Variants in SPIDR observed in about 807,000 individuals in gnomAD.
SPIDR encodes the protein scaffold protein involved in DNA repair, also known as DNA repair-scaffolding protein.
SPIDR carries 93 observed loss-of-function variants against 104.6 expected under a neutral mutation model. The ratio of observed to expected loss-of-function variants is 0.89; its 90% CI spans 0.75 to 1.06. The LOEUF (loss-of-function observed/expected upper bound fraction) is 1.06, where lower values mean the gene tolerates loss of function less well. Ranked by LOEUF, SPIDR falls within the 50% of genes least tolerant of loss-of-function variation. SPIDR has a pLI of 0.00. For missense variants in SPIDR, 1,154 were observed against 1,111.2 expected, an observed-to-expected ratio of 1.04 and a Z score of -0.55; for synonymous variants, 431 against 416.9, an observed-to-expected ratio of 1.03 and a Z score of -0.41.
At chr8:47,671,617 T>TAAATAAATAAATAAATAAAG in intron 10 of SPIDR, among the ~76,000 whole-genome samples, 1 of 151,620 alleles carries the variant, frequency 6.6e-6, no homozygotes, top group South Asian at 2.1e-4. Flanking sequence ...AATAAATAAA[T>TAAATAAATAAATAAATAAAG]AAATACAAAT....
chr8:47,315,428 TG>T (rs2045146114), intron 5 of SPIDR, among the ~76,000 whole-genome samples: 2 of 152,156 alleles, frequency 1.3e-5, no homozygotes, highest in Admixed American at 1.3e-4. Flanking sequence ...AGGAAAAATC[TG>T]AATATTTGGA....
chr8:47,432,388 A>G (rs1375488588), intron 7 of SPIDR, among the ~76,000 whole-genome samples: 1 of 152,142 alleles, frequency 6.6e-6, no homozygotes, highest in Non-Finnish European at 1.5e-5. Flanking sequence ...TGCAGTTGAG[A>G]TGAAGGGGAG....
At chr8:47,690,556 C>T (rs58864481) in intron 11 of SPIDR, among the ~76,000 whole-genome samples, 5,199 of 152,004 alleles carry the variant, frequency 0.034, 262 homozygotes, top group African/African-American at 0.11. Context: ...CGGTGGCTCA[C>T]GCCTGGAATC....
chr8:47,727,241 C>T lies in SPIDR; in HGVS notation c.2383C>T (p.Pro795Ser), dbSNP rs1427525862. Reference sequence around the variant, plus strand: ...GGACGAGAGCACTGCTTTCTCATGGCCTGTGTGTGACATGTGTGGCAACGG... The same window carrying T: ...GGACGAGAGCACTGCTTTCTCATGGTCTGTGTGTGACATGTGTGGCAACGG... Reference protein sequence around the residue: ...GVDESTAFSWPVCDMCGNGRL... With the variant: ...GVDESTAFSWSVCDMCGNGRL... The change falls in exon 17 of 20, where the codon CCT becomes TCT. Residue 795 changes from proline to serine, a missense_variant. Transcript: ENST00000297423. 1.9e-6 allele frequency: 3 copies of T among 1,614,092 alleles called. No homozygotes were observed. Among genetic ancestry groups the T allele is most frequent in the South Asian group, 1.1e-5 (1 of 91,082 alleles).
chr8:47,325,646 T>C (rs1199269435), intron 5 of SPIDR, among the ~76,000 whole-genome samples: 1 of 152,242 alleles, frequency 6.6e-6, no homozygotes, highest in Admixed American at 6.5e-5. Flanking sequence ...AGACATCTTA[T>C]GGTGCTCCAG....
intron 8 of SPIDR, chr8:47,547,358 C>A: frequency 4.6e-6 from 2 of 432,288 alleles, no homozygotes; most frequent in South Asian, 4.4e-5. Flanking sequence ...TGGGTTATAT[C>A]AGTTCGAACG....
At chr8:47,729,543 C>T in intron 19 of SPIDR, 78 bp downstream of exon 19, 1 of 1,501,468 alleles carries the variant, frequency 6.7e-7, no homozygotes, top group Non-Finnish European at 9.0e-7. Flanking sequence ...AGGAAGCCCC[C>T]ACTCCCAAAT....
chr8:47,464,378 G>C (rs1254184785), intron 8 of SPIDR, among the ~76,000 whole-genome samples: 8 of 152,196 alleles, frequency 5.3e-5, no homozygotes, highest in Non-Finnish European at 1.2e-4. Flanking sequence ...GCTAGATGCA[G>C]TTAAGGTGGA....
intron 5 of SPIDR, among the ~76,000 whole-genome samples, chr8:47,375,056 C>T (rs2058487481): frequency 6.6e-6 from 1 of 151,828 alleles, no homozygotes; most frequent in African/African-American, 2.4e-5. Context: ...CTTGGTCCAC[C>T]TCTTCCCCCA....
At chr8:47,457,893 C>G (rs2073259635) in intron 8 of SPIDR, among the ~76,000 whole-genome samples, 1 of 152,124 alleles carries the variant, frequency 6.6e-6, no homozygotes, top group Non-Finnish European at 1.5e-5. Flanking sequence ...TGTCAAAGAT[C>G]AGTGGCTGTA....
At position 47,277,632 on chromosome 8, in the gene SPIDR, A is replaced by G. The variant is rs1002763339; in HGVS notation, c.34-2230A>G. Among the ~76,000 whole-genome samples, 25 of 148,008 alleles carry G rather than the reference A, an allele frequency of 1.7e-4. No individual in the cohort carries two copies. The East Asian group carries it at 4.8e-3, about 28-fold the overall frequency. ...TGGTCTCCTAAAGTGCTGGGATTAC[A>G]GGTGTGACCCATTGTGCCCTACCCT... On this transcript the variant is annotated intron_variant, in intron 1 of 19. Coordinates refer to ENST00000297423, the MANE Select transcript of SPIDR (RefSeq NM_001080394.4).
intron 10 of SPIDR, among the ~76,000 whole-genome samples, chr8:47,620,698 A>T (rs1014843072): frequency 1.4e-5 from 2 of 145,776 alleles, no homozygotes; most frequent in African/African-American, 5.1e-5. Context: ...GCTAACTGCA[A>T]TCTCCACCTC....
intron 10 of SPIDR, among the ~76,000 whole-genome samples, chr8:47,616,093 T>C (rs1461994949): frequency 6.6e-6 from 1 of 152,246 alleles, no homozygotes; most frequent in African/African-American, 2.4e-5. Context: ...AAAAATTTTC[T>C]ACATAAAAGA....
intron 5 of SPIDR, among the ~76,000 whole-genome samples, chr8:47,374,594 T>A (rs2058430941): frequency 6.6e-6 from 1 of 152,222 alleles, no homozygotes; most frequent in Non-Finnish European, 1.5e-5. Context: ...GAAGAGAATA[T>A]CTTCCTGTTT....
chr8:47,367,109 T>A (rs1206339793), intron 5 of SPIDR, among the ~76,000 whole-genome samples: 1 of 152,150 alleles, frequency 6.6e-6, no homozygotes, highest in Non-Finnish European at 1.5e-5. Flanking sequence ...GCCAGAGCCC[T>A]TTAAACCTGT....
chr8:47,409,176 C>G (rs376619853), intron 7 of SPIDR, among the ~76,000 whole-genome samples: 1 of 152,032 alleles, frequency 6.6e-6, no homozygotes, highest in Non-Finnish European at 1.5e-5. Flanking sequence ...CAGAGTGAGA[C>G]TCTGTCTCAA....
chr8:47,280,227 T>TTA (rs1554557398), intron 2 of SPIDR, among the ~76,000 whole-genome samples: 1 of 151,702 alleles, frequency 6.6e-6, no homozygotes, highest in Non-Finnish European at 1.5e-5. Context: ...ATTTTTTATT[T>TTA]TTTTTTTATT....
intron 5 of SPIDR, among the ~76,000 whole-genome samples, chr8:47,316,088 A>G (rs1279073885): frequency 2.6e-5 from 4 of 152,210 alleles, no homozygotes; most frequent in Non-Finnish European, 5.9e-5. Context: ...AAGACTATGT[A>G]AAGAAATTCT....
At chr8:47,444,845 T>C (rs1262791660) in intron 8 of SPIDR, among the ~76,000 whole-genome samples, 3 of 152,236 alleles carry the variant, frequency 2.0e-5, no homozygotes, top group Admixed American at 2.0e-4. Context: ...GATATAGTTT[T>C]TAAAACACTT....
Sources: gnomAD v4.1 joint callset for allele counts (sites outside exome capture counted in the v4.1 genomes callset) on GRCh38, gnomAD v4.1.1 for gene constraint, MANE v1.5 for transcripts, NCBI Gene and HGNC (gene_info 2026-07-23, HGNC 2026-07-21) for gene names.